Variants in CHRM3 observed in about 807,000 individuals in gnomAD.
The protein encoded by CHRM3 is muscarinic acetylcholine receptor M3.
A neutral mutation model predicts 41.8 loss-of-function variants in CHRM3; 11 were observed. The ratio of observed to expected loss-of-function variants is 0.26; its 90% CI spans 0.17 to 0.44. The LOEUF (loss-of-function observed/expected upper bound fraction) is 0.44, where lower values mean the gene tolerates loss of function less well. Ranked by LOEUF, CHRM3 falls within the 20% of genes least tolerant of loss-of-function variation. The pLI is 1.00. For synonymous variants in CHRM3, 297 were observed against 301.4 expected (o/e 0.99, Z 0.15); for missense variants, 571 against 745.4 (o/e 0.77, Z 2.72).
At chr1:239,638,333 G>A (rs1293505039) in intron 4 of CHRM3, among the ~76,000 whole-genome samples, 15 of 151,854 alleles carry the variant, frequency 9.9e-5, no homozygotes, top group South Asian at 6.3e-4. Flanking sequence ...CTGAGGAATC[G>A]CCACACTGAC....
intron 1 of CHRM3, among the ~76,000 whole-genome samples, chr1:239,391,600 T>C (rs1659041651): frequency 6.6e-6 from 1 of 152,138 alleles, no homozygotes; most frequent in South Asian, 2.1e-4. Flanking sequence ...ACGTGCACCT[T>C]CTTAGCTTCC....
intron 5 of CHRM3, among the ~76,000 whole-genome samples, chr1:239,774,250 CT>C (rs1453641696): frequency 6.6e-6 from 1 of 152,146 alleles, no homozygotes; most frequent in Non-Finnish European, 1.5e-5. Flanking sequence ...TTCCATTCCA[CT>C]GGTGTCACTG....
intron 4 of CHRM3, among the ~76,000 whole-genome samples, chr1:239,645,823 C>T (rs1305463743): frequency 1.3e-5 from 2 of 152,102 alleles, no homozygotes; most frequent in African/African-American, 2.4e-5. Flanking sequence ...TGGTTACTTT[C>T]ATAAAAAATA....
At chr1:239,578,517 A>T (rs1220618706) in intron 3 of CHRM3, among the ~76,000 whole-genome samples, 5 of 152,182 alleles carry the variant, frequency 3.3e-5, no homozygotes, top group Admixed American at 6.5e-5. Context: ...ATCTGAAATA[A>T]ATTCCCAAAG....
chr1:239,700,171 A>G (rs945222635), intron 5 of CHRM3, among the ~76,000 whole-genome samples: 3 of 152,158 alleles, frequency 2.0e-5, no homozygotes, highest in Non-Finnish European at 4.4e-5. Context: ...ATACCTTTCT[A>G]TCGAGGTACC....
chr1:239,888,094 A>T (rs1386956022), intron 6 of CHRM3, among the ~76,000 whole-genome samples: 2 of 152,220 alleles, frequency 1.3e-5, no homozygotes, highest in African/African-American at 4.8e-5. Flanking sequence ...CAACAGTCAT[A>T]TATCAGTAAG....
intron 5 of CHRM3, among the ~76,000 whole-genome samples, chr1:239,765,205 TG>T (rs2148680569): frequency 6.6e-6 from 1 of 152,300 alleles, no homozygotes; most frequent in African/African-American, 2.4e-5. Flanking sequence ...CAGTAAGGGT[TG>T]ATCTTGCATG....
At chr1:239,799,959 GTTA>G (rs1045516120) in intron 5 of CHRM3, among the ~76,000 whole-genome samples, 1 of 152,080 alleles carries the variant, frequency 6.6e-6, no homozygotes, top group African/African-American at 2.4e-5. Context: ...GACACTGTTT[GTTA>G]TTATTCTATT....
chr1:239,640,772 C>T (rs1224158075), intron 4 of CHRM3, among the ~76,000 whole-genome samples: 1 of 150,080 alleles, frequency 6.7e-6, no homozygotes, highest in East Asian at 1.9e-4. Context: ...TCCTTCAGTT[C>T]TGCTCTGATT....
At chr1:239,853,222 C>T (rs1572492584) in intron 6 of CHRM3, among the ~76,000 whole-genome samples, 2 of 151,704 alleles carry the variant, frequency 1.3e-5, no homozygotes, top group African/African-American at 4.8e-5. Context: ...GTATTCTCCC[C>T]ATGACCAAAT....
chr1:239,635,537 C>T (rs1024882131), intron 4 of CHRM3, among the ~76,000 whole-genome samples: 3 of 152,184 alleles, frequency 2.0e-5, no homozygotes, highest in African/African-American at 7.2e-5. Flanking sequence ...AAGACCTCTC[C>T]TAACCGCTCT....
intron 6 of CHRM3, among the ~76,000 whole-genome samples, chr1:239,864,202 A>G (rs1167630548): frequency 6.6e-6 from 1 of 152,048 alleles, no homozygotes; most frequent in East Asian, 1.9e-4. Flanking sequence ...CCCACCAAAA[A>G]AACTCTGAAA....
At chr1:239,871,149 A>G (rs1347909678) in intron 6 of CHRM3, among the ~76,000 whole-genome samples, 2 of 152,216 alleles carry the variant, frequency 1.3e-5, no homozygotes, top group Non-Finnish European at 2.9e-5. Flanking sequence ...ATTTAAATAT[A>G]TAATGTTATC....
intron 3 of CHRM3, among the ~76,000 whole-genome samples, chr1:239,611,629 C>T (rs1413732948): frequency 3.3e-5 from 5 of 151,958 alleles, no homozygotes; most frequent in African/African-American, 1.2e-4. Flanking sequence ...CCATGTTGGC[C>T]AGGATGGTCT....
intron 3 of CHRM3, among the ~76,000 whole-genome samples, chr1:239,618,635 G>C (rs899931949): frequency 6.6e-6 from 1 of 151,666 alleles, no homozygotes; most frequent in South Asian, 2.1e-4. Flanking sequence ...ACGAGGTCAG[G>C]AGATCGAGAC....
At chr1:239,771,519 G>A (rs114425686) in intron 5 of CHRM3, among the ~76,000 whole-genome samples, 2,123 of 152,290 alleles carry the variant, frequency 0.014, 40 homozygotes, top group African/African-American at 0.044. Context: ...CAGGTTATTC[G>A]TTGCAGCCTT....
chr1:239,802,391 A>G (rs910553170), intron 5 of CHRM3, among the ~76,000 whole-genome samples: 1 of 152,204 alleles, frequency 6.6e-6, no homozygotes, highest in Admixed American at 6.5e-5. Context: ...TTAACCAAGA[A>G]ATACAGCAGG....
chr1:239,509,650 A>G (rs376679164), intron 2 of CHRM3, among the ~76,000 whole-genome samples: 3 of 152,330 alleles, frequency 2.0e-5, no homozygotes, highest in East Asian at 1.9e-4. Flanking sequence ...ATTATTTATG[A>G]TATTATAATG....
At chr1:239,627,984 G>GAGTT (rs1183672895) in intron 3 of CHRM3, among the ~76,000 whole-genome samples, 2 of 112,312 alleles carry the variant, frequency 1.8e-5, no homozygotes, top group African/African-American at 3.8e-5. Context: ...ATGTGTCTTG[G>GAGTT]AGTTGCTCTT....
Sources: allele counts gnomAD v4.1 joint callset (sites outside exome capture counted in the v4.1 genomes callset), GRCh38; gene constraint gnomAD v4.1.1; transcripts MANE v1.5; gene names NCBI Gene and HGNC (gene_info 2026-07-23, HGNC 2026-07-21).